The following LRRC8E variants were observed in gnomAD, a reference collection of about 807,000 sequenced individuals.
LRRC8E encodes volume-regulated anion channel subunit LRRC8E.
Under a neutral mutation model 6.1 loss-of-function variants are expected in LRRC8E, and 6 were observed. That is an observed-to-expected ratio of 0.98 (90% CI 0.54 to 1.93). The LOEUF (loss-of-function observed/expected upper bound fraction) is 1.93, where lower values mean the gene tolerates loss of function less well. LRRC8E is among the 30% of genes most tolerant of loss of function. The probability of loss-of-function intolerance (pLI) is 0.01; values close to 1 mark genes in which losing one functional copy is unlikely to be tolerated. For synonymous variants in LRRC8E, 485 were observed against 472.8 expected, an observed-to-expected ratio of 1.03 and a Z score of -0.33; for missense variants, 1,028 against 1,031.4, an observed-to-expected ratio of 1.00 and a Z score of 0.04.
rs112706558 is a variant in LRRC8E, at chr19:7,895,283, AC to A, written c.-5-313del. On this transcript the variant is annotated intron_variant, in intron 1 of 2. Coordinates refer to ENST00000306708, the MANE Select transcript of LRRC8E (RefSeq NM_025061.6). The surrounding 1 kb of genome is among the most constrained non-coding windows in gnomAD (Gnocchi z 4.7). The stretch of plus-strand genomic sequence containing the variant: ...GATGCCTCGTTTTGGGGAGGGGGCC[AC>A]CCGAGGAGGCTGGAGGGCGGCGGCC... 0.09 allele frequency: 23,260 copies of A among 259,764 alleles called. 1,178 individuals are homozygous for A. The highest frequency in any genetic ancestry group is 0.12 in the African/African-American group (5,447 of 46,460). The allele number at this position is 259,764 out of a possible 1,614,324, so 16.1% of individuals were successfully genotyped here.
At chr19:7,898,423 G>T (rs865902832) in intron 2 of LRRC8E, among the ~76,000 whole-genome samples, 1 of 151,820 alleles carries the variant, frequency 6.6e-6, no homozygotes, top group African/African-American at 2.4e-5. Flanking sequence ...ACAATGGCGC[G>T]ATCTCGGCTC....
chr19:7,900,098 G>A lies in LRRC8E; in HGVS notation c.1576G>A (p.Ala526Thr). Residue 526 changes from alanine to threonine, a missense_variant, in exon 3 of 3, where the codon GCC (alanine) becomes ACC (threonine). Transcript: ENST00000306708. This position sits in a 1 kb window ranked among gnomAD's most constrained non-coding sequence, Gnocchi z 5.0. ...TTTCCCCCAGGAGCTAGCTCGGGCA[G>A]CCACCCTGGAGAGCCTCCGGGAGCT... ...GLFPQELARAATLESLRELKQ... is the reference protein window; with the variant it reads ...GLFPQELARATTLESLRELKQ... 6.2e-7 allele frequency: 1 copy of A among 1,612,548 alleles called. No homozygotes were observed.
At chr19:7,888,871 T>TG (rs1466450064) in intron 1 of LRRC8E, among the ~76,000 whole-genome samples, 2 of 152,144 alleles carry the variant, frequency 1.3e-5, no homozygotes, top group African/African-American at 4.8e-5. Context: ...AACTTGACTT[T>TG]GGGGGTCTCA....
At chr19:7,888,763 C>T (rs1270856914) in intron 1 of LRRC8E, among the ~76,000 whole-genome samples, 163 bp downstream of exon 1, 3 of 152,112 alleles carry the variant, frequency 2.0e-5, no homozygotes, top group African/African-American at 4.8e-5. Flanking sequence ...GTGGGGGTGC[C>T]GGCCGGTGCA....
Position 7,895,545 on chromosome 19 carries a change from G to C in LRRC8E, c.-5-54G>C. 1 of 1,585,918 alleles carries C rather than the reference G, an allele frequency of 6.3e-7. No individual in the cohort carries two copies. The highest frequency in any genetic ancestry group is 8.6e-7 in the Non-Finnish European group (1 of 1,158,102). On this transcript the variant is annotated intron_variant, in intron 1 of 2. Coordinates refer to ENST00000306708, the MANE Select transcript of LRRC8E (RefSeq NM_025061.6). This position sits in a 1 kb window ranked among gnomAD's most constrained non-coding sequence, Gnocchi z 4.7. The stretch of plus-strand genomic sequence containing the variant: ...GGCTCCTCGGAGGACCCCCTGCAGA[G>C]CCTCCCATCCTGAGGGTCTCTCTCT...
chr19:7,899,152 G>A lies in LRRC8E; in HGVS notation c.630G>A (p.Pro210=), dbSNP rs764674916. The change falls in exon 3 of 3, where the codon CCG becomes CCA. Residue 210 remains proline (P), a synonymous_variant. Coordinates refer to ENST00000306708, the MANE Select transcript of LRRC8E (RefSeq NM_025061.6). ...AGAAGGAGAAAGTGCTGGCGGAACCGGAGAAGGTGGTGACCGAGCCTCCAG... is the reference window on the plus strand; with the variant it reads ...AGAAGGAGAAAGTGCTGGCGGAACCAGAGAAGGTGGTGACCGAGCCTCCAG... ...EGEKEKVLAE[P]EKVVTEPPVV... is the part of the protein sequence containing the mutation. The A allele has an allele frequency of 8.7e-5, 141 of 1,613,710 alleles. No individual in the cohort carries two copies. Among genetic ancestry groups the A allele is most frequent in the South Asian group, 3.5e-4 (32 of 91,090 alleles).
At chr19:7,897,067 G>C (rs192617179) in intron 2 of LRRC8E, among the ~76,000 whole-genome samples, 1 of 152,148 alleles carries the variant, frequency 6.6e-6, no homozygotes, top group Non-Finnish European at 1.5e-5. Flanking sequence ...AGATCAAGGC[G>C]TCAGTTGTCA....
chr19:7,898,179 G>C (rs983067621), intron 2 of LRRC8E, among the ~76,000 whole-genome samples: 1 of 146,090 alleles, frequency 6.8e-6, no homozygotes, highest in Non-Finnish European at 1.5e-5. Context: ...ACTGCACACA[G>C]CCTGACAGAG....
Position 7,898,751 on chromosome 19 carries a change from A to AT in LRRC8E, c.230dup (p.Glu79Ter). 6.2e-7 allele frequency: 1 copy of AT among 1,614,018 alleles called. No homozygotes were observed. The highest frequency in any genetic ancestry group is 8.5e-7 in the Non-Finnish European group (1 of 1,179,992). ...GTGCCAGCAATTGCTGCCTCGGGGGATCCCTGAGCAGATTGGGGCCCTGCA... is the reference window on the plus strand; with the variant it reads ...GTGCCAGCAATTGCTGCCTCGGGGGATTCCCTGAGCAGATTGGGGCCCTGCA... On this transcript the variant is annotated frameshift_variant, in exon 3 of 3. Coordinates refer to ENST00000306708, the MANE Select transcript of LRRC8E (RefSeq NM_025061.6). LOFTEE classifies it low-confidence loss of function (END_TRUNC).
chr19:7,895,862 G>A lies in LRRC8E; in HGVS notation c.138+121G>A. 5 of 1,265,706 alleles carry A rather than the reference G, an allele frequency of 4.0e-6. No homozygotes were observed. The highest frequency in any genetic ancestry group is 5.5e-6 in the Non-Finnish European group (5 of 912,030). 78.4% of individuals were successfully genotyped at this position (1,265,706 alleles called of 1,614,324 possible). A position where few individuals can be genotyped will look rare whatever the true frequency, so the allele number is the denominator to read the frequency against. On this transcript the variant is annotated intron_variant, in intron 2 of 2. Coordinates refer to ENST00000306708, the MANE Select transcript of LRRC8E (RefSeq NM_025061.6). The surrounding 1 kb of genome is among the most constrained non-coding windows in gnomAD (Gnocchi z 4.7). Reference sequence around the variant, plus strand: ...AACTGAAGACAGAGCCCCACTCAAAGGCCAATCCAGACCCCTTATCTTCCT... The same window carrying A: ...AACTGAAGACAGAGCCCCACTCAAAAGCCAATCCAGACCCCTTATCTTCCT...
chr19:7,897,730 T>C (rs1981677100), intron 2 of LRRC8E, among the ~76,000 whole-genome samples: 2 of 151,686 alleles, frequency 1.3e-5, no homozygotes, highest in South Asian at 4.2e-4. Context: ...TGTTTCCCCT[T>C]TCTCTAAGGC....
At position 7,899,512 on chromosome 19, in the gene LRRC8E, G is replaced by T. The variant is rs374086621; in HGVS notation, c.990G>T (p.Thr330=). The change falls in exon 3 of 3, where the codon ACG becomes ACT. Residue 330 remains threonine (T), a synonymous_variant. Transcript: ENST00000306708. The stretch of plus-strand genomic sequence containing the variant: ...TCTACGGACTTACCTGCATCTACAC[G>T]CTCTACTGGCTCTTCCACCGGCCCC... The part of the protein sequence containing the change: ...VCIYGLTCIY[T]LYWLFHRPLK... 6 of 1,613,946 alleles carry T rather than the reference G, an allele frequency of 3.7e-6. No individual in the cohort carries two copies. Among genetic ancestry groups the T allele is most frequent in the Non-Finnish European group, 5.1e-6 (6 of 1,180,018 alleles).
In LRRC8E at chr19:7,899,944, A is replaced by G. The variant is rs765324322; in HGVS notation, c.1422A>G (p.Leu474=). Residue 474 remains leucine, a synonymous_variant, in exon 3 of 3, where the codon CTA becomes CTG. Transcript: ENST00000306708. ...GCTTGCTCCACTCGCCCGCCAGGCT[A>G]CCCTTCTCCTTGCAGGTCTTCCTGC... ...ELSLLHSPAR[L]PFSLQVFLRD... The G allele has an allele frequency of 2.5e-6, 4 of 1,609,112 alleles. No individual in the cohort carries two copies. Among genetic ancestry groups the G allele is most frequent in the Non-Finnish European group, 2.5e-6 (3 of 1,179,908 alleles).
In LRRC8E at chr19:7,899,800, G is replaced by T; in HGVS notation, c.1278G>T (p.Leu426=). 6.2e-7 allele frequency: 1 copy of T among 1,608,212 alleles called. No individual in the cohort carries two copies. ...AGRLELALCM[L]PGLPDTVFEL... ...GGCTGGAGCTGGCCCTCTGCATGCT[G>T]CCGGGTCTGCCCGACACCGTCTTTG... is the stretch of plus-strand genomic sequence containing the variant. Residue 426 remains leucine, a synonymous_variant, in exon 3 of 3, where the codon CTG becomes CTT. Coordinates refer to ENST00000306708, the MANE Select transcript of LRRC8E (RefSeq NM_025061.6).
intron 1 of LRRC8E, among the ~76,000 whole-genome samples, chr19:7,892,081 T>G (rs1269272196): frequency 6.6e-6 from 1 of 151,432 alleles, no homozygotes; most frequent in East Asian, 2.0e-4. Context: ...TAGATTTTTT[T>G]TTTTTTTTTG....
intron 2 of LRRC8E, among the ~76,000 whole-genome samples, chr19:7,896,084 CCCA>C (rs1207791770): frequency 6.6e-6 from 1 of 151,636 alleles, no homozygotes; most frequent in Non-Finnish European, 1.5e-5. Flanking sequence ...ATTACAGGCG[CCCA>C]CCACCACGCC....
Position 7,895,452 on chromosome 19 carries a change from A to G in LRRC8E, c.-5-147A>G. On this transcript the variant is annotated intron_variant, in intron 1 of 2. Transcript: ENST00000306708. This position sits in a 1 kb window ranked among gnomAD's most constrained non-coding sequence, Gnocchi z 4.7. Reference sequence around the variant, plus strand: ...GTGACTAAGGCCAGGCTAAGAGGGAAGTGGGGGCACACACTTTGGTGGTTT... The same window carrying G: ...GTGACTAAGGCCAGGCTAAGAGGGAGGTGGGGGCACACACTTTGGTGGTTT... 2 of 913,504 alleles carry G rather than the reference A, an allele frequency of 2.2e-6. No individual in the cohort carries two copies. The highest frequency in any genetic ancestry group is 3.4e-6 in the Non-Finnish European group (2 of 595,264). The allele number at this position is 913,504 out of a possible 1,614,324, so 56.6% of individuals were successfully genotyped here.
In LRRC8E at chr19:7,900,316, C is replaced by A. The variant is rs1568268643; in HGVS notation, c.1794C>A (p.Pro598=). Residue 598 remains proline, a synonymous_variant, in exon 3 of 3, where the codon CCC becomes CCA. Coordinates refer to ENST00000306708, the MANE Select transcript of LRRC8E (RefSeq NM_025061.6). This position sits in a 1 kb window ranked among gnomAD's most constrained non-coding sequence, Gnocchi z 5.0. ...ELVACGLERI[P]HAVFSLGALQ... ...TGGCCTGCGGGCTGGAGCGCATCCCCCATGCAGTGTTCAGCCTGGGTGCGC... is the reference window on the plus strand; with the variant it reads ...TGGCCTGCGGGCTGGAGCGCATCCCACATGCAGTGTTCAGCCTGGGTGCGC... 1 of 1,613,326 alleles carries A rather than the reference C, an allele frequency of 6.2e-7. No individual in the cohort carries two copies. The highest frequency in any genetic ancestry group is 8.5e-7 in the Non-Finnish European group (1 of 1,180,006).
Position 7,900,951 on chromosome 19 carries a change from T to G in LRRC8E, c.*38T>G, listed in dbSNP as rs1376854544. 4.2e-6 allele frequency: 6 copies of G among 1,444,028 alleles called. No homozygotes were observed. The highest frequency in any genetic ancestry group is 5.5e-6 in the Non-Finnish European group (6 of 1,087,538). The allele number at this position is 1,444,028 out of a possible 1,614,324, so 89.5% of individuals were successfully genotyped here. Reference sequence around the variant, plus strand: ...GCCGTTTTAGGTAGAGCCTTAAAAATGCTTCTGCCCTGGAATCTCAACCAT... The same window carrying G: ...GCCGTTTTAGGTAGAGCCTTAAAAAGGCTTCTGCCCTGGAATCTCAACCAT... On this transcript the variant is annotated 3_prime_UTR_variant, in exon 3 of 3. Coordinates refer to ENST00000306708, the MANE Select transcript of LRRC8E (RefSeq NM_025061.6). This position sits in a 1 kb window ranked among gnomAD's most constrained non-coding sequence, Gnocchi z 5.0.
Sources: allele counts gnomAD v4.1 joint callset (sites outside exome capture counted in the v4.1 genomes callset), GRCh38; gene constraint gnomAD v4.1.1; non-coding constraint Gnocchi (gnomAD v3.1); transcripts MANE v1.5; gene names NCBI Gene and HGNC (gene_info 2026-07-23, HGNC 2026-07-21).